Variants in ZNF280D observed in about 807,000 individuals in gnomAD.
ZNF280D encodes the protein suppressor of hairy wing homolog 4.
ZNF280D carries 39 observed loss-of-function variants against 94.7 expected under a neutral mutation model. That is an observed-to-expected ratio of 0.41 (90% CI 0.32 to 0.54). The LOEUF is 0.54. Among genes scored for constraint, ZNF280D ranks in the 20% least tolerant of loss-of-function variants. The pLI, the probability that ZNF280D is intolerant of heterozygous loss-of-function variation, is 0.22. For missense variants in ZNF280D, 1,090 were observed against 1,149.3 expected (o/e 0.95, Z 0.75); for synonymous variants, 398 against 377.6 (o/e 1.05, Z -0.63).
intron 1 of ZNF280D, among the ~76,000 whole-genome samples, chr15:56,724,198 TG>T (rs1348695106): frequency 6.6e-6 from 1 of 152,236 alleles, no homozygotes; most frequent in African/African-American, 2.4e-5. Context: ...CATCTTAAGC[TG>T]GGGACTGTCT....
At chr15:56,717,987 A>G (rs570917935) in intron 1 of ZNF280D, among the ~76,000 whole-genome samples, 7 of 152,308 alleles carry the variant, frequency 4.6e-5, no homozygotes, top group Middle Eastern at 3.4e-3. Context: ...TTTAAACATT[A>G]TGTGACTGAA....
chr15:56,699,714 G>A (rs76722558), intron 6 of ZNF280D: 1 of 374,684 alleles, frequency 2.7e-6, no homozygotes, highest in Non-Finnish European at 3.7e-6. Context: ...AATCACACAA[G>A]TGCTTTTCCT....
At chr15:56,693,008 G>T in intron 7 of ZNF280D, 90 bp downstream of exon 7, 1 of 729,550 alleles carries the variant, frequency 1.4e-6, no homozygotes, top group Non-Finnish European at 2.4e-6. Context: ...TTCACACAAG[G>T]GTAGGGACTT....
At chr15:56,633,083 C>T (rs1225093322) in intron 21 of ZNF280D, among the ~76,000 whole-genome samples, 1 of 151,990 alleles carries the variant, frequency 6.6e-6, no homozygotes, top group Non-Finnish European at 1.5e-5. Context: ...ATCATCAGTC[C>T]ATTATCTAGA....
At chr15:56,726,281 A>G (rs1308929740) in intron 1 of ZNF280D, among the ~76,000 whole-genome samples, 1 of 151,936 alleles carries the variant, frequency 6.6e-6, no homozygotes, top group Non-Finnish European at 1.5e-5. Context: ...AGAGGGGTGG[A>G]ACTCTAACTG....
chr15:56,686,610 GAAATAT>G (rs747284302), intron 9 of ZNF280D, among the ~76,000 whole-genome samples: 2 of 152,258 alleles, frequency 1.3e-5, no homozygotes, highest in South Asian at 2.1e-4. Context: ...TGAAGACACA[GAAATAT>G]AAATATAATT....
chr15:56,697,463 G>A (rs1322209467), intron 6 of ZNF280D, among the ~76,000 whole-genome samples: 1 of 152,214 alleles, frequency 6.6e-6, no homozygotes, highest in Non-Finnish European at 1.5e-5. Flanking sequence ...GGGACTACAG[G>A]CGTGAGCCAC....
chr15:56,721,383 T>G (rs2058350530), intron 1 of ZNF280D, among the ~76,000 whole-genome samples: 1 of 152,244 alleles, frequency 6.6e-6, no homozygotes, highest in African/African-American at 2.4e-5. Flanking sequence ...CAGCCTGTCC[T>G]TCAAAATTTG....
chr15:56,708,993 C>A (rs1240250172), intron 1 of ZNF280D, among the ~76,000 whole-genome samples: 42 of 152,030 alleles, frequency 2.8e-4, no homozygotes, highest in Non-Finnish European at 3.8e-4. Context: ...GCAACAAAAG[C>A]CAAAATTGAC....
chr15:56,706,572 AATCAAT>A, intron 3 of ZNF280D, among the ~76,000 whole-genome samples: 1 of 152,112 alleles, frequency 6.6e-6, no homozygotes, highest in Non-Finnish European at 1.5e-5. Context: ...CCCCAGAAGA[AATCAAT>A]CCTAACGACA....
At chr15:56,706,264 C>G (rs547049197) in intron 3 of ZNF280D, among the ~76,000 whole-genome samples, 6 of 149,364 alleles carry the variant, frequency 4.0e-5, no homozygotes, top group Admixed American at 1.4e-4. Flanking sequence ...CACCTGAGGT[C>G]AGTAGTTCGA....
chr15:56,642,675 A>C (rs1235039752), intron 20 of ZNF280D, among the ~76,000 whole-genome samples: 2 of 151,776 alleles, frequency 1.3e-5, no homozygotes, highest in Admixed American at 6.6e-5. Flanking sequence ...GGGATTTTTA[A>C]TTCATAAATT....
rs986516640 is a variant in ZNF280D at position 56,689,120 on chromosome 15, T to A, written c.701A>T (p.Asn234Ile). 5 of 1,610,434 alleles carry A rather than the reference T, an allele frequency of 3.1e-6. No individual in the cohort carries two copies. Among genetic ancestry groups the A allele is most frequent in the Non-Finnish European group, 2.5e-6 (3 of 1,178,522 alleles). ...GTNTSSNQSKNGTPFPRACPK... is the reference protein window; with the variant it reads ...GTNTSSNQSKIGTPFPRACPK... ...ACAAGCTCTTGGAAAAGGTGTTCCA[T>A]TTTTAGACTGATTTGATGAGGTATT... The change falls in exon 9 of 22, where the codon AAT (asparagine) becomes ATT (isoleucine). Residue 234 changes from asparagine (N) to isoleucine (I), a missense_variant. Asn to Ile is a moderately radical substitution (Grantham distance 149). This residue lies in a region of ZNF280D where 386 missense variants were observed against 372.0 expected (regional missense o/e 1.04). Coordinates refer to ENST00000267807, the MANE Select transcript of ZNF280D (RefSeq NM_017661.4).
At chr15:56,645,065 C>A (rs967405346) in intron 19 of ZNF280D, 1 of 152,088 alleles carries the variant, frequency 6.6e-6, no homozygotes, top group African/African-American at 2.4e-5. Context: ...CTTTGAACTA[C>A]AAAAGTATAC....
chr15:56,646,330 T>C (rs2052891406), intron 19 of ZNF280D, among the ~76,000 whole-genome samples: 1 of 152,080 alleles, frequency 6.6e-6, no homozygotes, highest in African/African-American at 2.4e-5. Context: ...CTCAGGAGGC[T>C]GAGGCAGGAG....
chr15:56,658,554 T>G, intron 16 of ZNF280D, 68 bp from the exon 17 acceptor site: 2 of 1,112,952 alleles, frequency 1.8e-6, no homozygotes, highest in South Asian at 3.5e-5. Flanking sequence ...TAACTATATT[T>G]CAAGTCCATA....
intron 9 of ZNF280D, among the ~76,000 whole-genome samples, chr15:56,686,268 A>G (rs1280909942): frequency 6.6e-6 from 1 of 152,136 alleles, no homozygotes; most frequent in Admixed American, 6.5e-5. Flanking sequence ...CCTCCCAAGC[A>G]GTGGGACTAC....
At chr15:56,659,651 T>C (rs1297577696) in intron 16 of ZNF280D, among the ~76,000 whole-genome samples, 2 of 152,012 alleles carry the variant, frequency 1.3e-5, no homozygotes, top group African/African-American at 4.8e-5. Flanking sequence ...TCTTGGAATA[T>C]ATACCCCAGC....
intron 19 of ZNF280D, among the ~76,000 whole-genome samples, chr15:56,649,222 C>A (rs2053071125): frequency 6.6e-6 from 1 of 152,160 alleles, no homozygotes; most frequent in Admixed American, 6.5e-5. Flanking sequence ...AATTTATAAT[C>A]TATAAGCAAC....
Sources: gnomAD v4.1 joint callset for allele counts (sites outside exome capture counted in the v4.1 genomes callset) on GRCh38, gnomAD v4.1.1 for gene constraint, gnomAD v4.1.1 regional missense constraint, MANE v1.5 for transcripts, NCBI Gene and HGNC (gene_info 2026-07-23, HGNC 2026-07-21) for gene names.